HLF: variants seen among roughly 807,000 people sequenced by gnomAD.
HLF encodes hepatic leukemia factor.
Under a neutral mutation model 22.6 loss-of-function variants are expected in HLF, and 3 were observed. That is an observed-to-expected ratio of 0.13 (90% CI 0.06 to 0.34). The LOEUF is 0.34. Among genes scored for constraint, HLF ranks in the 10% least tolerant of loss-of-function variants. The pLI is 1.00. For missense variants in HLF, 299 were observed against 389.2 expected, an observed-to-expected ratio of 0.77 and a Z score of 1.95; for synonymous variants, 151 against 151.8, an observed-to-expected ratio of 0.99 and a Z score of 0.04.
chr17:55,289,010 G>A (rs1368179152), intron 2 of HLF: 2 of 858,308 alleles, frequency 2.3e-6, no homozygotes, highest in Admixed American at 6.2e-5. Context: ...CATGTTGGGT[G>A]TGGGGAAGGG....
At chr17:55,266,862 A>G in intron 1 of HLF, 1 of 942,548 alleles carries the variant, frequency 1.1e-6, no homozygotes, top group African/African-American at 1.8e-5. Flanking sequence ...CCAGGTAGCA[A>G]ATAGCTGCAT....
At chr17:55,266,798 A>G (rs1598384188) in intron 1 of HLF, 10 of 984,810 alleles carry the variant, frequency 1.0e-5, no homozygotes, top group Non-Finnish European at 1.2e-5. Context: ...ACTGAATACT[A>G]GAATTGGCAA....
At position 55,321,893 on chromosome 17, in the gene HLF, CT is replaced by C; in HGVS notation, c.*1018del. 4.3e-6 allele frequency: 1 copy of C among 231,636 alleles called. No individual in the cohort carries two copies. The highest frequency in any genetic ancestry group is 6.2e-5 in the East Asian group (1 of 16,218). 14.3% of individuals were successfully genotyped at this position (231,636 alleles called of 1,614,324 possible). On this transcript the variant is annotated 3_prime_UTR_variant, in exon 4 of 4. Coordinates refer to ENST00000226067, the MANE Select transcript of HLF (RefSeq NM_002126.5). ...TCCCTCACACCCTGCCTCGCCCCCA[CT>C]TTTCTAGTTAACTTTTTCCATATCC...
intron 2 of HLF, among the ~76,000 whole-genome samples, chr17:55,284,964 A>G (rs2080990053): frequency 6.6e-6 from 1 of 152,202 alleles, no homozygotes. Context: ...ACCCTGAGCA[A>G]TGGATCTCTT....
At chr17:55,294,428 C>T (rs866902933) in intron 2 of HLF, among the ~76,000 whole-genome samples, 1 of 152,204 alleles carries the variant, frequency 6.6e-6, no homozygotes, top group Non-Finnish European at 1.5e-5. Context: ...GTGTTCACCT[C>T]CATGTGCTTT....
At chr17:55,266,001 C>A in intron 1 of HLF, 1 of 260,822 alleles carries the variant, frequency 3.8e-6, no homozygotes, top group Non-Finnish European at 6.1e-6. Context: ...CTGTGCGGGG[C>A]AGGGGGCGGG....
In HLF at chr17:55,315,224, C is replaced by T. The variant is rs1471704878; in HGVS notation, c.452-3C>T. ...ATGAATTAAAACTCCTGTGTTGTTC[C>T]AGGTCAGCTGTTGCCAGCAAACCGC... On this transcript the variant is annotated splice_polypyrimidine_tract_variant and splice_region_variant and intron_variant, in intron 2 of 3. Coordinates refer to ENST00000226067, the MANE Select transcript of HLF (RefSeq NM_002126.5). The T allele has an allele frequency of 1.9e-6, 3 of 1,613,212 alleles. No homozygotes were observed.
At chr17:55,283,044 C>T (rs1006993259) in intron 2 of HLF, among the ~76,000 whole-genome samples, 4 of 152,012 alleles carry the variant, frequency 2.6e-5, no homozygotes, top group African/African-American at 9.7e-5. Context: ...AATAAATTAT[C>T]TGGCTGGAAT....
chr17:55,310,803 C>T (rs1458299873), intron 2 of HLF, among the ~76,000 whole-genome samples: 4 of 152,152 alleles, frequency 2.6e-5, no homozygotes, highest in Non-Finnish European at 1.5e-5. Context: ...AAACCAGTAA[C>T]TTTTAAAACC....
At chr17:55,294,732 A>G (rs1272678464) in intron 2 of HLF, among the ~76,000 whole-genome samples, 2 of 152,210 alleles carry the variant, frequency 1.3e-5, no homozygotes, top group Non-Finnish European at 2.9e-5. Context: ...TTCTCTCCAT[A>G]TGGAGAAGGC....
rs574504912 is a variant in HLF at position 55,303,783 on chromosome 17, G to A, written c.452-11444G>A. ...CATGGATGGTTTGTGCAAATTCAGC[G>A]AGGGGGGTGAATGTGAAACGTGTGG... On this transcript the variant is annotated intron_variant, in intron 2 of 3. Transcript: ENST00000226067. Among the ~76,000 whole-genome samples, 159 of 152,280 alleles carry A rather than the reference G, an allele frequency of 1.0e-3. 1 individual carries two copies. The highest frequency in any genetic ancestry group is 3.7e-3 in the African/African-American group (153 of 41,548).
intron 2 of HLF, among the ~76,000 whole-genome samples, chr17:55,288,018 G>A (rs1163675721): frequency 3.3e-5 from 5 of 152,184 alleles, no homozygotes; most frequent in Admixed American, 1.3e-4. Context: ...TATGATGCAC[G>A]CCTTTGGGCC....
intron 2 of HLF, among the ~76,000 whole-genome samples, chr17:55,309,441 A>AC (rs1904728998): frequency 6.6e-6 from 1 of 152,210 alleles, no homozygotes; most frequent in Non-Finnish European, 1.5e-5. Context: ...GTCAGCTGTA[A>AC]TCCCTGATGA....
chr17:55,275,799 A>G (rs2080899662), intron 2 of HLF, among the ~76,000 whole-genome samples: 1 of 152,212 alleles, frequency 6.6e-6, no homozygotes, highest in East Asian at 1.9e-4. Context: ...CTTTACCATA[A>G]GTCAGTTCAG....
intron 2 of HLF, among the ~76,000 whole-genome samples, chr17:55,285,861 A>G (rs947751540): frequency 6.6e-6 from 1 of 152,146 alleles, no homozygotes; most frequent in African/African-American, 2.4e-5. Context: ...GAGAGATAGG[A>G]CCTTTAGAAA....
At chr17:55,281,384 G>A (rs1228611344) in intron 2 of HLF, among the ~76,000 whole-genome samples, 1 of 152,080 alleles carries the variant, frequency 6.6e-6, no homozygotes, top group Non-Finnish European at 1.5e-5. Flanking sequence ...GTGGTAGCAG[G>A]TCCCTGTAAT....
intron 2 of HLF, chr17:55,284,018 A>G (rs2080978011): frequency 6.6e-6 from 1 of 152,268 alleles, no homozygotes; most frequent in Admixed American, 6.5e-5. Flanking sequence ...TCAGCTGTGG[A>G]ACGTGCTTTG....
chr17:55,289,243 G>A (rs2081036541), intron 2 of HLF, among the ~76,000 whole-genome samples: 2 of 152,156 alleles, frequency 1.3e-5, no homozygotes, highest in Admixed American at 1.3e-4. Flanking sequence ...ACCAGGCCAT[G>A]AGCAGTTGAC....
At position 55,321,195 on chromosome 17, in the gene HLF, CCCCT is replaced by C; in HGVS notation, c.*323_*326del. 3.2e-6 allele frequency: 1 copy of C among 311,546 alleles called. No homozygotes were observed. 19.3% of individuals were successfully genotyped at this position (311,546 alleles called of 1,614,324 possible). A position where few individuals can be genotyped will look rare whatever the true frequency, so the allele number is the denominator to read the frequency against. On this transcript the variant is annotated 3_prime_UTR_variant, in exon 4 of 4. Coordinates refer to ENST00000226067, the MANE Select transcript of HLF (RefSeq NM_002126.5). ...AGGAGCCCTCTCGCGGGTCTCCCAT[CCCCT>C]CCCTCCTTCACTCCTGCCTCCTCAG... is the stretch of plus-strand genomic sequence containing the variant.
Sources: gnomAD v4.1 joint callset for allele counts (sites outside exome capture counted in the v4.1 genomes callset) on GRCh38, gnomAD v4.1.1 for gene constraint, MANE v1.5 for transcripts, NCBI Gene and HGNC (gene_info 2026-07-23, HGNC 2026-07-21) for gene names.